The following LHFPL4 variants were observed in gnomAD, a reference collection of about 807,000 sequenced individuals.
The protein encoded by LHFPL4 is LHFPL tetraspan subfamily member 4 protein.
A neutral mutation model predicts 20.0 loss-of-function variants in LHFPL4; 6 were observed. That is an observed-to-expected ratio of 0.30 (90% CI 0.16 to 0.59). The LOEUF (loss-of-function observed/expected upper bound fraction) is 0.59, where lower values mean the gene tolerates loss of function less well. LHFPL4 is among the 20% of genes least tolerant of loss of function. The probability of loss-of-function intolerance (pLI) is 0.88; values close to 1 mark genes in which losing one functional copy is unlikely to be tolerated. For synonymous variants in LHFPL4, 129 were observed against 143.8 expected (o/e 0.90, Z 0.74); for missense variants, 215 against 331.2 (o/e 0.65, Z 2.72).
intron 2 of LHFPL4, among the ~76,000 whole-genome samples, chr3:9,548,228 T>A (rs969148897): frequency 6.6e-6 from 1 of 152,222 alleles, no homozygotes; most frequent in South Asian, 2.1e-4. Context: ...ACCTATACAA[T>A]ATGAATAATG....
intron 3 of LHFPL4, among the ~76,000 whole-genome samples, chr3:9,505,260 CT>C (rs2046208949): frequency 7.9e-6 from 1 of 127,136 alleles, no homozygotes; most frequent in African/African-American, 3.1e-5. Flanking sequence ...TTCTTTTTTT[CT>C]TTTCTTTTCT....
chr3:9,529,639 A>G (rs2046396803), intron 2 of LHFPL4, among the ~76,000 whole-genome samples: 1 of 151,520 alleles, frequency 6.6e-6, no homozygotes. Flanking sequence ...TATTTTATTT[A>G]TTTATTTTTT....
At chr3:9,513,412 T>C (rs868754317) in intron 2 of LHFPL4, among the ~76,000 whole-genome samples, 9 of 152,020 alleles carry the variant, frequency 5.9e-5, no homozygotes, top group African/African-American at 1.9e-4. Context: ...GCTCACTGCG[T>C]CCTCGAACTC....
chr3:9,512,260 C>G (rs868202729), intron 2 of LHFPL4, among the ~76,000 whole-genome samples: 1 of 152,126 alleles, frequency 6.6e-6, no homozygotes, highest in Non-Finnish European at 1.5e-5. Context: ...TCAGTTTCCC[C>G]CTCTGGGCCT....
At position 9,500,817 on chromosome 3, in the gene LHFPL4, A is replaced by G. The variant is rs2046166439; in HGVS notation, c.*1394T>C. ...CCGGGAGAGATGGCTCTGCCGCCAG[A>G]CCCACAGGGGAATGACGGGTGTTCA... On this transcript the variant is annotated 3_prime_UTR_variant, in exon 4 of 4. Coordinates refer to ENST00000287585, the MANE Select transcript of LHFPL4 (RefSeq NM_198560.3). 1 of 152,308 alleles carries G rather than the reference A, an allele frequency of 6.6e-6. No homozygotes were observed. Among genetic ancestry groups the G allele is most frequent in the Non-Finnish European group, 1.5e-5 (1 of 68,132 alleles). 9.4% of individuals were successfully genotyped at this position (152,308 alleles called of 1,614,324 possible).
chr3:9,552,775 G>C lies in LHFPL4; in HGVS notation c.-96C>G. 1.1e-5 allele frequency: 8 copies of C among 696,956 alleles called. No homozygotes were observed. Among genetic ancestry groups the C allele is most frequent in the Non-Finnish European group, 1.5e-5 (8 of 549,718 alleles). The allele number at this position is 696,956 out of a possible 1,614,324, so 43.2% of individuals were successfully genotyped here. A position where few individuals can be genotyped will look rare whatever the true frequency, so the allele number is the denominator to read the frequency against. On this transcript the variant is annotated 5_prime_UTR_variant, in exon 2 of 4. Transcript: ENST00000287585. ...TGCCGGGCGGGAGCTGGGGACGCACGCGAGAAGCGGCCCTGAGTCAAGGAA... is the reference window on the plus strand; with the variant it reads ...TGCCGGGCGGGAGCTGGGGACGCACCCGAGAAGCGGCCCTGAGTCAAGGAA...
At chr3:9,527,078 G>C (rs548402051) in intron 2 of LHFPL4, among the ~76,000 whole-genome samples, 298 of 152,188 alleles carry the variant, frequency 2.0e-3, no homozygotes, top group South Asian at 3.5e-3. Flanking sequence ...AAGTAAGCAG[G>C]GGTACACAGA....
intron 2 of LHFPL4, among the ~76,000 whole-genome samples, chr3:9,527,096 A>G (rs2046380511): frequency 6.6e-6 from 1 of 151,998 alleles, no homozygotes; most frequent in Admixed American, 6.6e-5. Context: ...AGAAGATGAC[A>G]TGATATAGTT....
chr3:9,531,647 C>T (rs1205290822), intron 2 of LHFPL4, among the ~76,000 whole-genome samples: 1 of 152,004 alleles, frequency 6.6e-6, no homozygotes, highest in Non-Finnish European at 1.5e-5. Flanking sequence ...ACTAAAAATA[C>T]AAACATTAGC....
In LHFPL4 at chr3:9,506,295, A is replaced by G. The variant is rs545533127; in HGVS notation, c.407-92T>C. 3.9e-6 allele frequency: 4 copies of G among 1,013,752 alleles called. No individual in the cohort carries two copies. Among genetic ancestry groups the G allele is most frequent in the Admixed American group, 1.8e-5 (1 of 54,970 alleles). The allele number at this position is 1,013,752 out of a possible 1,614,324, so 62.8% of individuals were successfully genotyped here. A position where few individuals can be genotyped will look rare whatever the true frequency, so the allele number is the denominator to read the frequency against. On this transcript the variant is annotated intron_variant, in intron 2 of 3. Coordinates refer to ENST00000287585, the MANE Select transcript of LHFPL4 (RefSeq NM_198560.3). The surrounding 1 kb of genome is among the most constrained non-coding windows in gnomAD (Gnocchi z 4.5). ...GTGTCCGCAGTCTGGGCCCCACCCT[A>G]TTGAGGGCACATCAACCCAACCACG...
intron 2 of LHFPL4, among the ~76,000 whole-genome samples, chr3:9,526,005 A>G (rs990275531): frequency 6.6e-6 from 1 of 152,228 alleles, no homozygotes; most frequent in Non-Finnish European, 1.5e-5. Flanking sequence ...TAAAAAAAGT[A>G]GGGGATGGTA....
intron 2 of LHFPL4, among the ~76,000 whole-genome samples, chr3:9,515,606 A>G (rs1215419846): frequency 2.0e-5 from 3 of 151,438 alleles, no homozygotes; most frequent in African/African-American, 7.3e-5. Flanking sequence ...ACTTGACCAC[A>G]GGTGATCTGA....
At chr3:9,509,425 C>G (rs1334763895) in intron 2 of LHFPL4, among the ~76,000 whole-genome samples, 1 of 151,708 alleles carries the variant, frequency 6.6e-6, no homozygotes, top group Non-Finnish European at 1.5e-5. Flanking sequence ...CTCTTTTTGC[C>G]TCTCACTTCA....
At chr3:9,537,129 A>G (rs2125664838) in intron 2 of LHFPL4, among the ~76,000 whole-genome samples, 1 of 152,160 alleles carries the variant, frequency 6.6e-6, no homozygotes, top group African/African-American at 2.4e-5. Flanking sequence ...CTCTCTCTTC[A>G]TGGCATTCAG....
chr3:9,538,209 C>G (rs1031804855), intron 2 of LHFPL4, among the ~76,000 whole-genome samples: 3 of 152,176 alleles, frequency 2.0e-5, no homozygotes, highest in African/African-American at 7.2e-5. Context: ...TCCCATCAAG[C>G]CTCCAACTGG....
intron 2 of LHFPL4, among the ~76,000 whole-genome samples, chr3:9,528,251 T>A (rs1425251731): frequency 6.6e-6 from 1 of 152,228 alleles, no homozygotes; most frequent in Non-Finnish European, 1.5e-5. Flanking sequence ...TCCTCTTAAA[T>A]GCTACTCCTG....
chr3:9,540,193 T>A (rs2648404), intron 2 of LHFPL4, among the ~76,000 whole-genome samples: 81,454 of 152,106 alleles, frequency 0.54, 22,315 homozygotes, highest in African/African-American at 0.65. Flanking sequence ...ATAAATATTA[T>A]TTAAATTGTG....
At chr3:9,507,311 C>G (rs146545594) in intron 2 of LHFPL4, among the ~76,000 whole-genome samples, 142 of 152,258 alleles carry the variant, frequency 9.3e-4, no homozygotes, top group African/African-American at 3.4e-3. Flanking sequence ...TACGTAATAG[C>G]AAAGCGATTA....
chr3:9,545,144 G>A (rs1254719240), intron 2 of LHFPL4, among the ~76,000 whole-genome samples: 4 of 152,066 alleles, frequency 2.6e-5, no homozygotes, highest in African/African-American at 9.7e-5. Flanking sequence ...AAAGTAAAGG[G>A]AGGGAAGGAA....
Sources: gnomAD v4.1 joint callset for allele counts (sites outside exome capture counted in the v4.1 genomes callset) on GRCh38, gnomAD v4.1.1 for gene constraint, Gnocchi (gnomAD v3.1) non-coding constraint, MANE v1.5 for transcripts, NCBI Gene and HGNC (gene_info 2026-07-23, HGNC 2026-07-21) for gene names.